ZNF148: variants seen among roughly 807,000 people sequenced by gnomAD.
ZNF148 encodes the protein Beta-Enolase Repressor Factor-1.
A neutral mutation model predicts 67.7 loss-of-function variants in ZNF148; 7 were observed. That is an observed-to-expected ratio of 0.10 (90% CI 0.06 to 0.19). The LOEUF (loss-of-function observed/expected upper bound fraction) is 0.19. Ranked by LOEUF, ZNF148 falls within the 10% of genes least tolerant of loss-of-function variation. The probability of loss-of-function intolerance (pLI) is 1.00; values close to 1 mark genes in which losing one functional copy is unlikely to be tolerated. For missense variants in ZNF148, 583 were observed against 947.1 expected (o/e 0.62, Z 5.05); for synonymous variants, 333 against 330.7 (o/e 1.01, Z -0.08).
chr3:125,334,426 T>C (rs1348321910), intron 1 of ZNF148, among the ~76,000 whole-genome samples: 2 of 152,124 alleles, frequency 1.3e-5, no homozygotes, highest in African/African-American at 4.8e-5. Context: ...ATAAGAAATT[T>C]ATCATAGAAA....
intron 5 of ZNF148, among the ~76,000 whole-genome samples, chr3:125,280,857 T>C (rs766940921): frequency 6.6e-6 from 1 of 150,416 alleles, no homozygotes; most frequent in Non-Finnish European, 1.5e-5. Flanking sequence ...GAAACAATGC[T>C]GTAGGTGTGG....
At chr3:125,352,056 A>G (rs1464147445) in intron 1 of ZNF148, among the ~76,000 whole-genome samples, 1 of 152,170 alleles carries the variant, frequency 6.6e-6, no homozygotes, top group African/African-American at 2.4e-5. Flanking sequence ...TATACACAAA[A>G]GAAATGAAAA....
intron 1 of ZNF148, among the ~76,000 whole-genome samples, chr3:125,362,567 T>C (rs1020231050): frequency 2.0e-5 from 3 of 151,764 alleles, no homozygotes; most frequent in Admixed American, 2.0e-4. Flanking sequence ...TTTTTGTTTT[T>C]TTTTTGAGAC....
intron 1 of ZNF148, among the ~76,000 whole-genome samples, chr3:125,333,154 C>A (rs1451338867): frequency 1.3e-5 from 2 of 152,122 alleles, no homozygotes; most frequent in African/African-American, 4.8e-5. Context: ...TCTTAACATT[C>A]CGTTGAAAAC....
intron 1 of ZNF148, among the ~76,000 whole-genome samples, chr3:125,348,598 A>C (rs1942031932): frequency 6.6e-6 from 1 of 152,152 alleles, no homozygotes; most frequent in Non-Finnish European, 1.5e-5. Context: ...TGATGAAAGA[A>C]ATTGAAGACA....
chr3:125,297,936 C>G (rs182365551), intron 4 of ZNF148, among the ~76,000 whole-genome samples: 16 of 152,198 alleles, frequency 1.1e-4, no homozygotes, highest in African/African-American at 3.6e-4. Context: ...CACTTAATAC[C>G]AAACATCTAG....
chr3:125,348,097 A>AC (rs1354006492), intron 1 of ZNF148, among the ~76,000 whole-genome samples: 1 of 151,658 alleles, frequency 6.6e-6, no homozygotes, highest in Non-Finnish European at 1.5e-5. Context: ...TCTACCAAAA[A>AC]AAAAATACAA....
chr3:125,244,820 A>C (rs1341274987), intron 7 of ZNF148, among the ~76,000 whole-genome samples: 1 of 152,038 alleles, frequency 6.6e-6, no homozygotes, highest in Non-Finnish European at 1.5e-5. Flanking sequence ...TAGTCCTCTC[A>C]ACAAGCATTC....
At chr3:125,357,565 A>AG (rs76715756) in intron 1 of ZNF148, among the ~76,000 whole-genome samples, 16,812 of 152,252 alleles carry the variant, frequency 0.11, 1,039 homozygotes, top group African/African-American at 0.15. Context: ...GCCACCACGC[A>AG]GCTCCACTTC....
At chr3:125,372,746 C>G (rs1227439967) in intron 1 of ZNF148, among the ~76,000 whole-genome samples, 1 of 152,086 alleles carries the variant, frequency 6.6e-6, no homozygotes, top group Non-Finnish European at 1.5e-5. Flanking sequence ...GCGGGTGGAT[C>G]ACTTGAGGTC....
intron 4 of ZNF148, among the ~76,000 whole-genome samples, chr3:125,292,227 G>A (rs1285469227): frequency 2.0e-5 from 3 of 152,116 alleles, no homozygotes; most frequent in African/African-American, 7.2e-5. Flanking sequence ...TGTCCCGTTT[G>A]CCTGATCCAT....
intron 7 of ZNF148, among the ~76,000 whole-genome samples, chr3:125,261,241 T>A (rs1413058010): frequency 1.3e-5 from 2 of 152,034 alleles, no homozygotes; most frequent in African/African-American, 4.8e-5. Context: ...AATAGACAGG[T>A]GGAGCTGGCC....
At chr3:125,247,023 T>C (rs555359382) in intron 7 of ZNF148, among the ~76,000 whole-genome samples, 14 of 152,300 alleles carry the variant, frequency 9.2e-5, no homozygotes, top group African/African-American at 2.9e-4. Context: ...TGAAGTAGAA[T>C]ATAAAAACTG....
intron 2 of ZNF148, among the ~76,000 whole-genome samples, chr3:125,323,787 C>T (rs1409943947): frequency 6.6e-6 from 1 of 151,866 alleles, no homozygotes; most frequent in African/African-American, 2.4e-5. Context: ...GATGAAACCC[C>T]GTCTCTACTA....
At chr3:125,315,653 G>A (rs1261952447) in intron 3 of ZNF148, among the ~76,000 whole-genome samples, 1 of 147,062 alleles carries the variant, frequency 6.8e-6, no homozygotes, top group Non-Finnish European at 1.5e-5. Context: ...AGGGTGCAGT[G>A]AGCCGAGATC....
chr3:125,309,563 T>G (rs527747773), intron 4 of ZNF148, among the ~76,000 whole-genome samples: 1 of 151,542 alleles, frequency 6.6e-6, no homozygotes, highest in African/African-American at 2.4e-5. Context: ...GCTTAAAGCA[T>G]AAAATGGTGG....
chr3:125,280,270 T>C (rs1938307851), intron 5 of ZNF148, among the ~76,000 whole-genome samples: 1 of 152,122 alleles, frequency 6.6e-6, no homozygotes, highest in African/African-American at 2.4e-5. Flanking sequence ...CAACCTTGTC[T>C]TTCTGGGCTT....
chr3:125,273,780 G>A (rs150450656), intron 7 of ZNF148, among the ~76,000 whole-genome samples: 1 of 151,930 alleles, frequency 6.6e-6, no homozygotes, highest in Non-Finnish European at 1.5e-5. Flanking sequence ...CACCCGGCCG[G>A]GAGGAGAATC....
intron 1 of ZNF148, among the ~76,000 whole-genome samples, chr3:125,368,184 T>A (rs1020136599): frequency 6.6e-6 from 1 of 152,244 alleles, no homozygotes; most frequent in South Asian, 2.1e-4. Context: ...TTAAACTATC[T>A]TGCTCAAGGT....
Sources: allele counts gnomAD v4.1 joint callset (sites outside exome capture counted in the v4.1 genomes callset), GRCh38; gene constraint gnomAD v4.1.1; transcripts MANE v1.5; gene names NCBI Gene and HGNC (gene_info 2026-07-23, HGNC 2026-07-21).